SEPTIN6: variants seen among roughly 807,000 people sequenced by gnomAD.
SEPTIN6 encodes the protein septin 6, also known as septin-6.
In SEPTIN6, 8 loss-of-function variants were observed where a neutral mutation model predicts 33.6. That is an observed-to-expected ratio of 0.24 (90% CI 0.14 to 0.43). The LOEUF is 0.43. Among genes scored for constraint, SEPTIN6 ranks in the 20% least tolerant of loss-of-function variants. The probability of loss-of-function intolerance (pLI) is 1.00; values close to 1 mark genes in which losing one functional copy is unlikely to be tolerated. For synonymous variants in SEPTIN6, 131 were observed against 140.0 expected, an observed-to-expected ratio of 0.94 and a Z score of 0.45; for missense variants, 250 against 340.8, an observed-to-expected ratio of 0.73 and a Z score of 2.10.
chrX:119,686,333 G>A (rs2055054242), intron 1 of SEPTIN6, among the ~76,000 whole-genome samples: 1 of 111,924 alleles, frequency 8.9e-6, no homozygotes, highest in African/African-American at 3.2e-5. Context: ...ATCAGGGCCA[G>A]GAAAACAGAG....
chrX:119,619,026 C>T lies in SEPTIN6; in HGVS notation c.*1067G>A. 1 of 963,244 alleles carries T rather than the reference C, an allele frequency of 1.0e-6. No individual in the cohort carries two copies. Among genetic ancestry groups the T allele is most frequent in the Non-Finnish European group, 1.3e-6 (1 of 769,423 alleles). 79.4% of individuals were successfully genotyped at this position (963,244 alleles called of 1,213,427 possible). The stretch of plus-strand genomic sequence containing the variant: ...CTTAAATTGGAAAGAAAGTTAAGGG[C>T]CTTTTCTTCTCTCCGGCCGAGTCTC... On this transcript the variant is annotated 3_prime_UTR_variant, in exon 11 of 11. Coordinates refer to ENST00000394610, the MANE Select transcript of SEPTIN6 (RefSeq NM_145799.4).
intron 8 of SEPTIN6, among the ~76,000 whole-genome samples, chrX:119,632,747 C>A (rs971787214): frequency 1.8e-5 from 2 of 111,592 alleles, no homozygotes; most frequent in African/African-American, 3.3e-5. Flanking sequence ...CCTGCCTCAG[C>A]CTCCCAAGTA....
chrX:119,692,460 C>T (rs1018234135), intron 1 of SEPTIN6, among the ~76,000 whole-genome samples: 1 of 111,636 alleles, frequency 9.0e-6, no homozygotes, highest in Non-Finnish European at 1.9e-5. Context: ...GACAGAACCC[C>T]GGCGCCGCCG....
intron 5 of SEPTIN6, among the ~76,000 whole-genome samples, chrX:119,644,170 G>A (rs2054203212): frequency 9.0e-6 from 1 of 111,465 alleles, no homozygotes; most frequent in Admixed American, 9.6e-5. Context: ...ATGCAGGGCA[G>A]TGTTGCTGCT....
Position 119,618,611 on chromosome X carries a change from G to T in SEPTIN6, c.*1482C>A. 9.5e-7 allele frequency: 1 copy of T among 1,047,621 alleles called. No individual in the cohort carries two copies. Among genetic ancestry groups the T allele is most frequent in the Non-Finnish European group, 1.2e-6 (1 of 809,994 alleles). The allele number at this position is 1,047,621 out of a possible 1,213,427, so 86.3% of individuals were successfully genotyped here. A position where few individuals can be genotyped will look rare whatever the true frequency, so the allele number is the denominator to read the frequency against. On this transcript the variant is annotated 3_prime_UTR_variant, in exon 11 of 11. Coordinates refer to ENST00000394610, the MANE Select transcript of SEPTIN6 (RefSeq NM_145799.4). ...GGCTGGGAGGCAGGAGCAAGTTGCG[G>T]AACTCAAAAAGAAGAAGTGAGCTTG...
At chrX:119,671,365 G>A (rs183017188) in intron 2 of SEPTIN6, among the ~76,000 whole-genome samples, 26 of 106,915 alleles carry the variant, frequency 2.4e-4, no homozygotes, top group Non-Finnish European at 4.7e-4. Context: ...TCCGCTCACT[G>A]TAAGCTCCGC....
chrX:119,618,887 GCCTCATAAC>G lies in SEPTIN6; in HGVS notation c.*1197_*1205del. ...CTGGCCAAACACCAAAGGCCACTGT[GCCTCATAAC>G]CCTGACAAGGGAGGGCTCTCTACTT... On this transcript the variant is annotated 3_prime_UTR_variant, in exon 11 of 11. Coordinates refer to ENST00000394610, the MANE Select transcript of SEPTIN6 (RefSeq NM_145799.4). The G allele has an allele frequency of 8.5e-7, 1 of 1,174,394 alleles. No homozygotes were observed. Among genetic ancestry groups the G allele is most frequent in the East Asian group, 3.1e-5 (1 of 32,492 alleles).
intron 2 of SEPTIN6, among the ~76,000 whole-genome samples, chrX:119,664,285 T>C (rs987140752): frequency 9.0e-6 from 1 of 111,425 alleles, no homozygotes; most frequent in Non-Finnish European, 1.9e-5. Flanking sequence ...CCTGGCCAAG[T>C]ATACGTTGCT....
At chrX:119,638,383 G>A (rs2054102238) in intron 6 of SEPTIN6, among the ~76,000 whole-genome samples, 1 of 111,810 alleles carries the variant, frequency 8.9e-6, no homozygotes, top group African/African-American at 3.3e-5. Context: ...TTTCTGGCTG[G>A]ACCAGGTCAC....
At chrX:119,693,022 T>G (rs2055205580) in intron 1 of SEPTIN6, 54 bp downstream of exon 1, 2 of 1,144,623 alleles carry the variant, frequency 1.7e-6, no homozygotes, top group Admixed American at 5.1e-5. Flanking sequence ...CCAGGTCTCC[T>G]TGACCCTCAC....
intron 3 of SEPTIN6, among the ~76,000 whole-genome samples, chrX:119,657,620 C>T (rs903266741): frequency 1.8e-5 from 2 of 111,523 alleles, no homozygotes; most frequent in Non-Finnish European, 3.8e-5. Context: ...TCAAGCGATT[C>T]TCCTGCCTCA....
intron 9 of SEPTIN6, among the ~76,000 whole-genome samples, chrX:119,626,103 G>A: frequency 8.9e-6 from 1 of 112,144 alleles, no homozygotes; most frequent in Non-Finnish European, 1.9e-5. Flanking sequence ...GAAGAAGACA[G>A]GTCATTCTGT....
chrX:119,620,477 C>A (rs930645925), intron 10 of SEPTIN6, among the ~76,000 whole-genome samples: 13 of 109,129 alleles, frequency 1.2e-4, no homozygotes, highest in Non-Finnish European at 1.9e-4. Flanking sequence ...CGCCGCCACA[C>A]CCGGCTAATT....
intron 1 of SEPTIN6, among the ~76,000 whole-genome samples, chrX:119,682,829 C>T (rs1042088676): frequency 9.0e-6 from 1 of 111,685 alleles, no homozygotes; most frequent in Non-Finnish European, 1.9e-5. Flanking sequence ...GAGAATTTCC[C>T]GCCTCTGTTT....
intron 6 of SEPTIN6, among the ~76,000 whole-genome samples, chrX:119,639,208 G>A (rs935192511): frequency 1.8e-5 from 2 of 112,065 alleles, no homozygotes; most frequent in Non-Finnish European, 3.8e-5. Flanking sequence ...CTTCGTATGT[G>A]ATGTGGACAA....
intron 2 of SEPTIN6, among the ~76,000 whole-genome samples, chrX:119,670,760 G>T (rs1324974837): frequency 9.2e-6 from 1 of 108,552 alleles, no homozygotes; most frequent in Non-Finnish European, 1.9e-5. Flanking sequence ...CCAACATGGA[G>T]AAACCCCGTC....
At chrX:119,620,782 G>T (rs1389502257) in intron 10 of SEPTIN6, among the ~76,000 whole-genome samples, 1 of 109,829 alleles carries the variant, frequency 9.1e-6, no homozygotes, top group Admixed American at 9.8e-5. Context: ...CACCACGCTC[G>T]GCTAATTTTT....
At chrX:119,687,315 A>ATC (rs1439196343) in intron 1 of SEPTIN6, among the ~76,000 whole-genome samples, 2 of 105,949 alleles carry the variant, frequency 1.9e-5, no homozygotes, top group African/African-American at 7.0e-5. Flanking sequence ...CAGTGGCACA[A>ATC]TCTCGGCTCA....
At position 119,653,056 on chromosome X, in the gene SEPTIN6, G is replaced by T. The variant is rs770404061; in HGVS notation, c.342-16C>A. 8.4e-7 allele frequency: 1 copy of T among 1,184,718 alleles called. No homozygotes were observed. Among genetic ancestry groups the T allele is most frequent in the Admixed American group, 2.2e-5 (1 of 44,979 alleles). ...AGGCTTGTAGCTAAAAGGGAGAGCA[G>T]GGACAGAGGCGGATCCCGTCAAAAA... On this transcript the variant is annotated splice_polypyrimidine_tract_variant and intron_variant, in intron 3 of 10. Coordinates refer to ENST00000394610, the MANE Select transcript of SEPTIN6 (RefSeq NM_145799.4).
Sources: allele counts gnomAD v4.1 joint callset (sites outside exome capture counted in the v4.1 genomes callset), GRCh38; gene constraint gnomAD v4.1.1; transcripts MANE v1.5; gene names NCBI Gene and HGNC (gene_info 2026-07-23, HGNC 2026-07-21).